The following EML5 variants were observed in gnomAD, a reference collection of about 807,000 sequenced individuals.
EML5 encodes the protein EMAP like 5.
Under a neutral mutation model 250.0 loss-of-function variants are expected in EML5, and 120 were observed. The observed-to-expected ratio is 0.48, with a 90% CI of 0.41 to 0.56. The LOEUF (loss-of-function observed/expected upper bound fraction) is 0.56. Ranked by LOEUF, EML5 falls within the 20% of genes least tolerant of loss-of-function variation. EML5 has a pLI of 0.00. For synonymous variants in EML5, 771 were observed against 806.5 expected (o/e 0.96, Z 0.75); for missense variants, 2,006 against 2,437.6 (o/e 0.82, Z 3.73).
At chr14:88,780,908 T>C (rs1436484978) in intron 1 of EML5, among the ~76,000 whole-genome samples, 1 of 152,166 alleles carries the variant, frequency 6.6e-6, no homozygotes, top group Non-Finnish European at 1.5e-5. Flanking sequence ...TCTCCTTTCC[T>C]GAAAGCCAAC....
chr14:88,632,266 G>T (rs555546228), intron 33 of EML5, among the ~76,000 whole-genome samples: 16 of 152,204 alleles, frequency 1.1e-4, no homozygotes, highest in African/African-American at 3.4e-4. Flanking sequence ...ATTCACTCCT[G>T]CCACCCTGCT....
chr14:88,729,583 A>T (rs1328006850), intron 7 of EML5, among the ~76,000 whole-genome samples: 7 of 150,986 alleles, frequency 4.6e-5, no homozygotes, highest in African/African-American at 1.5e-4. Flanking sequence ...TTTTTTTGAG[A>T]CAGAGTCTCA....
At chr14:88,665,258 T>TA in intron 22 of EML5, 79 bp downstream of exon 22, 2 of 1,417,574 alleles carry the variant, frequency 1.4e-6, no homozygotes, top group South Asian at 2.9e-5. Context: ...ACATAACAGT[T>TA]AATAAAAATT....
At chr14:88,718,244 T>C (rs191948711) in intron 8 of EML5, among the ~76,000 whole-genome samples, 136 of 152,312 alleles carry the variant, frequency 8.9e-4, no homozygotes, top group Non-Finnish European at 1.3e-3. Context: ...TAACTGGATA[T>C]GCATAGCTCG....
Position 88,792,571 on chromosome 14 carries a change from A to G in EML5, c.-68T>C, listed in dbSNP as rs111662812. ...CGACGGGAGGCGGCGGCGGCCCGGC[A>G]ACGAAAGCCCTCCCGCTGGCTGCCG... On this transcript the variant is annotated 5_prime_UTR_variant, in exon 1 of 44. Coordinates refer to ENST00000554922, the MANE Select transcript of EML5 (RefSeq NM_183387.3). This position sits in a 1 kb window ranked among gnomAD's most constrained non-coding sequence, Gnocchi z 6.9. 9 of 1,205,106 alleles carry G rather than the reference A, an allele frequency of 7.5e-6. No individual in the cohort carries two copies. Among genetic ancestry groups the G allele is most frequent in the Non-Finnish European group, 9.3e-6 (9 of 967,544 alleles). The allele number at this position is 1,205,106 out of a possible 1,614,324, so 74.7% of individuals were successfully genotyped here. A position where few individuals can be genotyped will look rare whatever the true frequency, so the allele number is the denominator to read the frequency against.
intron 21 of EML5, among the ~76,000 whole-genome samples, chr14:88,672,244 C>A (rs2092481739): frequency 6.6e-6 from 1 of 152,144 alleles, no homozygotes; most frequent in Admixed American, 6.5e-5. Context: ...TTAAGAAAAT[C>A]ATTTAAAACC....
intron 8 of EML5, among the ~76,000 whole-genome samples, chr14:88,726,174 A>C (rs758220907): frequency 5.9e-5 from 9 of 152,146 alleles, no homozygotes; most frequent in Admixed American, 1.3e-4. Flanking sequence ...CAACAACAAC[A>C]ACCCCATTTT....
chr14:88,715,826 C>A (rs907478479), intron 8 of EML5, among the ~76,000 whole-genome samples: 1 of 151,962 alleles, frequency 6.6e-6, no homozygotes, highest in African/African-American at 2.4e-5. Flanking sequence ...CCATACCCGG[C>A]TAATCTTTTT....
intron 10 of EML5, among the ~76,000 whole-genome samples, chr14:88,709,095 T>C (rs1021348924): frequency 6.6e-6 from 1 of 152,076 alleles, no homozygotes; most frequent in Non-Finnish European, 1.5e-5. Flanking sequence ...GGTATCAATA[T>C]GACAAAAGAT....
At chr14:88,695,808 A>G (rs77916412) in intron 15 of EML5, among the ~76,000 whole-genome samples, 3,029 of 152,238 alleles carry the variant, frequency 0.02, 119 homozygotes, top group African/African-American at 0.07. Flanking sequence ...TAAATTCATC[A>G]TAAGAAATTT....
At chr14:88,657,305 C>A in intron 27 of EML5, 71 bp downstream of exon 27, 1 of 1,440,110 alleles carries the variant, frequency 6.9e-7, no homozygotes. Context: ...GTAAAAAAGC[C>A]ACTTAAATAA....
At chr14:88,730,168 T>C (rs1227415979) in intron 7 of EML5, among the ~76,000 whole-genome samples, 7 of 152,172 alleles carry the variant, frequency 4.6e-5, no homozygotes, top group African/African-American at 7.2e-5. Context: ...TATACTGTTA[T>C]TGAATTAGAT....
At chr14:88,775,676 C>T (rs1421371833) in intron 1 of EML5, among the ~76,000 whole-genome samples, 4 of 152,176 alleles carry the variant, frequency 2.6e-5, no homozygotes, top group African/African-American at 9.7e-5. Context: ...CCACCCAAGC[C>T]TGGGGGAACT....
At chr14:88,672,787 G>T (rs1232902501) in intron 21 of EML5, among the ~76,000 whole-genome samples, 1 of 152,102 alleles carries the variant, frequency 6.6e-6, no homozygotes, top group Non-Finnish European at 1.5e-5. Flanking sequence ...AGAAAATCTG[G>T]AAGAAATGGA....
At position 88,664,509 on chromosome 14, in the gene EML5, A is replaced by G. The variant is rs1303161639; in HGVS notation, c.3393T>C (p.Ile1131=). Residue 1131 remains isoleucine (I), a synonymous_variant, in exon 23 of 44, where the codon ATT becomes ATC. Transcript: ENST00000554922. ...CKGATSYITH[I]DWDIRGKLLQ... ...AAGTCTTACCTCTAATATCCCAATC[A>G]ATATGGGTTATGTAACTGGTAGCTC... is the stretch of plus-strand genomic sequence containing the variant. 1 of 1,605,590 alleles carries G rather than the reference A, an allele frequency of 6.2e-7. No individual in the cohort carries two copies. The highest frequency in any genetic ancestry group is 8.5e-7 in the Non-Finnish European group (1 of 1,177,304).
At position 88,695,412 on chromosome 14, in the gene EML5, T is replaced by C. The variant is rs1246151777; in HGVS notation, c.2387A>G (p.His796Arg). The C allele has an allele frequency of 8.1e-6, 13 of 1,612,846 alleles. No individual in the cohort carries two copies. The highest frequency in any genetic ancestry group is 1.1e-5 in the Non-Finnish European group (13 of 1,179,404). ...CTTCCAGTCCCAGAGCACAACAGTA[T>C]GGCTATCATCTATGCCAACTGATGC... is the stretch of plus-strand genomic sequence containing the variant. ...RLASVGIDDS[H>R]TVVLWDWKKG... The change falls in exon 16 of 44, where the codon CAT becomes CGT. Residue 796 changes from histidine to arginine, a missense_variant. Transcript: ENST00000554922.
At chr14:88,626,738 G>T (rs1011496859) in intron 35 of EML5, 100 bp downstream of exon 35, 3 of 1,185,606 alleles carry the variant, frequency 2.5e-6, no homozygotes, top group Non-Finnish European at 3.6e-6. Flanking sequence ...ATGATTAGCA[G>T]ATCACAGTAT....
rs979655586 is a variant in EML5 at position 88,615,650 on chromosome 14, T to C, written c.*168A>G. 6 of 615,540 alleles carry C rather than the reference T, an allele frequency of 9.7e-6. No homozygotes were observed. Among genetic ancestry groups the C allele is most frequent in the East Asian group, 5.6e-5 (2 of 35,588 alleles). 38.1% of individuals were successfully genotyped at this position (615,540 alleles called of 1,614,324 possible). ...GATTACGGATTATACCCAGTGCATA[T>C]AGCAAATATTTTGAACAGATCAGTC... is the stretch of plus-strand genomic sequence containing the variant. On this transcript the variant is annotated 3_prime_UTR_variant, in exon 44 of 44. Coordinates refer to ENST00000554922, the MANE Select transcript of EML5 (RefSeq NM_183387.3).
chr14:88,622,708 C>T lies in EML5; in HGVS notation c.4909G>A (p.Gly1637Arg). ...TGGKERPSKE[G>R]GAVKLWDQEL... ...TGATCCCACAGTTTAACCGCTCCTCCTTCTTTTGACCTAAGTAAATAACCA... is the reference window on the plus strand; with the variant it reads ...TGATCCCACAGTTTAACCGCTCCTCTTTCTTTTGACCTAAGTAAATAACCA... Residue 1637 changes from glycine (G) to arginine (R), a missense_variant, in exon 37 of 44, where the codon GGA becomes AGA. Transcript: ENST00000554922. The T allele has an allele frequency of 6.2e-7, 1 of 1,606,504 alleles. No homozygotes were observed. The highest frequency in any genetic ancestry group is 8.5e-7 in the Non-Finnish European group (1 of 1,176,378).
Sources: gnomAD v4.1 joint callset for allele counts (sites outside exome capture counted in the v4.1 genomes callset) on GRCh38, gnomAD v4.1.1 for gene constraint, Gnocchi (gnomAD v3.1) non-coding constraint, MANE v1.5 for transcripts, NCBI Gene and HGNC (gene_info 2026-07-23, HGNC 2026-07-21) for gene names.